LRRC8C: variants seen among roughly 807,000 people sequenced by gnomAD.
The protein encoded by LRRC8C is leucine rich repeat containing 8 VRAC subunit C.
LRRC8C carries 20 observed loss-of-function variants against 55.3 expected under a neutral mutation model. The observed-to-expected ratio is 0.36, with a 90% CI of 0.25 to 0.53. LRRC8C has a LOEUF of 0.53. Ranked by LOEUF, LRRC8C falls within the 20% of genes least tolerant of loss-of-function variation. The probability of loss-of-function intolerance (pLI) is 0.92; values close to 1 mark genes in which losing one functional copy is unlikely to be tolerated. For missense variants in LRRC8C, 659 were observed against 951.4 expected (o/e 0.69, Z 4.04); for synonymous variants, 376 against 360.7 (o/e 1.04, Z -0.48).
chr1:89,616,238 C>T, the LRRC8C span, among the ~76,000 whole-genome samples: 1 of 152,206 alleles, frequency 6.6e-6, no homozygotes. Flanking sequence ...CTAGCCTCAT[C>T]AACCCAGTGT....
chr1:89,678,229 TTAAC>T (rs1431671674), intron 1 of LRRC8C, among the ~76,000 whole-genome samples: 5 of 152,250 alleles, frequency 3.3e-5, no homozygotes, highest in African/African-American at 1.2e-4. Context: ...TCCCACTTTC[TTAAC>T]TAAAATTACT....
At chr1:89,660,589 A>G (rs1455212626) in intron 1 of LRRC8C, among the ~76,000 whole-genome samples, 1 of 152,156 alleles carries the variant, frequency 6.6e-6, no homozygotes, top group African/African-American at 2.4e-5. Context: ...TTCTGTCAAC[A>G]AGTTTTCCAA....
At chr1:89,642,341 A>G (rs1326408939) in intron 1 of LRRC8C, among the ~76,000 whole-genome samples, 1 of 152,224 alleles carries the variant, frequency 6.6e-6, no homozygotes, top group Admixed American at 6.5e-5. Flanking sequence ...GTAGTGTAGC[A>G]TTAGTACCTT....
intron 2 of LRRC8C, among the ~76,000 whole-genome samples, chr1:89,695,880 G>C (rs1488864394): frequency 6.6e-6 from 1 of 152,096 alleles, no homozygotes; most frequent in African/African-American, 2.4e-5. Context: ...AAATGAGCAG[G>C]ATAGGCATCA....
Position 89,686,494 on chromosome 1 carries a change from C to T in LRRC8C, c.21C>T (p.Phe7=). MIPVTE[F]RQFSEQQPAF... ...GAAACATGATTCCCGTGACAGAATT[C>T]CGGCAGTTCTCTGAGCAGCAGCCTG... The change falls in exon 2 of 3, where the codon TTC becomes TTT. Residue 7 remains phenylalanine (F), a synonymous_variant. Coordinates refer to ENST00000370454, the MANE Select transcript of LRRC8C (RefSeq NM_032270.5). The T allele has an allele frequency of 1.2e-6, 2 of 1,614,176 alleles. No homozygotes were observed. The highest frequency in any genetic ancestry group is 3.3e-5 in the Admixed American group (2 of 60,024).
chr1:89,673,167 ATTT>A (rs1157325013), intron 1 of LRRC8C, among the ~76,000 whole-genome samples: 6 of 151,846 alleles, frequency 4.0e-5, no homozygotes, highest in Admixed American at 3.9e-4. Context: ...TTTCTATGCT[ATTT>A]TTTATTTTTT....
rs753255156 is a variant in LRRC8C, at chr1:89,714,202, T to G, written c.1632T>G (p.Leu544=). 6.2e-7 allele frequency: 1 copy of G among 1,614,072 alleles called. No individual in the cohort carries two copies. The highest frequency in any genetic ancestry group is 1.7e-5 in the Admixed American group (1 of 60,018). The change falls in exon 3 of 3, where the codon CTT becomes CTG. Residue 544 remains leucine, a synonymous_variant. Transcript: ENST00000370454. The surrounding 1 kb of genome is among the most constrained non-coding windows in gnomAD (Gnocchi z 4.6). ...TLESLRDLKS[L]KILSIKSNVS... is the part of the protein sequence containing the mutation. The stretch of plus-strand genomic sequence containing the variant: ...AGTCTCTGCGGGATCTCAAAAGCCT[T>G]AAAATTCTCTCTATCAAAAGCAACG...
chr1:89,622,621 C>T, the LRRC8C span, among the ~76,000 whole-genome samples: 1 of 152,254 alleles, frequency 6.6e-6, no homozygotes, highest in East Asian at 1.9e-4. Context: ...GGGTGAGCCA[C>T]CGCGCCTGGC....
chr1:89,657,613 C>T (rs186885164), intron 1 of LRRC8C, among the ~76,000 whole-genome samples: 4 of 152,068 alleles, frequency 2.6e-5, no homozygotes, highest in African/African-American at 7.2e-5. Flanking sequence ...TGGTAGCACA[C>T]GCCTATAGTC....
chr1:89,680,278 C>T (rs934659554), intron 1 of LRRC8C, among the ~76,000 whole-genome samples: 9 of 151,910 alleles, frequency 5.9e-5, no homozygotes, highest in Admixed American at 2.6e-4. Flanking sequence ...GGGGTTTCAC[C>T]GTGTTAGCCA....
At chr1:89,667,113 C>T (rs1452579673) in intron 1 of LRRC8C, among the ~76,000 whole-genome samples, 1 of 152,078 alleles carries the variant, frequency 6.6e-6, no homozygotes, top group African/African-American at 2.4e-5. Context: ...AATATTCATG[C>T]CAATATCTGG....
intron 2 of LRRC8C, among the ~76,000 whole-genome samples, chr1:89,690,599 T>C (rs1658001988): frequency 6.6e-6 from 1 of 152,172 alleles, no homozygotes; most frequent in Non-Finnish European, 1.5e-5. Context: ...TAACTTGCAA[T>C]GAAATGAATG....
chr1:89,706,568 A>G lies in LRRC8C; in HGVS notation c.139-6141A>G, dbSNP rs6670862. ...TAAAATAGTGAAAATTTCTATTAAA[A>G]GGCCCGAATTTCACGTTGACCATTC... On this transcript the variant is annotated intron_variant, in intron 2 of 2. Coordinates refer to ENST00000370454, the MANE Select transcript of LRRC8C (RefSeq NM_032270.5). 5.5e-3 allele frequency among the ~76,000 whole-genome samples: 839 copies of G among 152,300 alleles called. 7 individuals carry two copies. The highest frequency in any genetic ancestry group is 0.019 in the African/African-American group (809 of 41,534).
intron 1 of LRRC8C, among the ~76,000 whole-genome samples, chr1:89,659,049 T>TGTTTTTG: frequency 5.6e-5 from 1 of 18,004 alleles, no homozygotes; most frequent in East Asian, 3.4e-3. Flanking sequence ...CTTCTCCAGG[T>TGTTTTTG]TTTTTTTTTT....
chr1:89,678,122 A>G (rs1657598635), intron 1 of LRRC8C, among the ~76,000 whole-genome samples: 2 of 152,232 alleles, frequency 1.3e-5, no homozygotes, highest in South Asian at 4.1e-4. Context: ...AGCTATGCTA[A>G]TGTCCTGGCC....
chr1:89,654,589 C>G (rs1424292796), intron 1 of LRRC8C, among the ~76,000 whole-genome samples: 2 of 152,126 alleles, frequency 1.3e-5, no homozygotes, highest in Admixed American at 1.3e-4. Context: ...CTGAAATACA[C>G]TATTTATTCT....
rs541701144 is a variant in LRRC8C, at chr1:89,645,807, A to G, written c.-5+12485A>G. 1.5e-4 allele frequency among the ~76,000 whole-genome samples: 23 copies of G among 152,266 alleles called. No individual in the cohort carries two copies. In the South Asian group the frequency reaches 3.3e-3, roughly 22 times the overall value. On this transcript the variant is annotated intron_variant, in intron 1 of 2. Transcript: ENST00000370454. ...AGCCTCAAATATTTGTAAATAAAATAAGAAACTTCTACATATCTTATGGGC... is the reference window on the plus strand; with the variant it reads ...AGCCTCAAATATTTGTAAATAAAATGAGAAACTTCTACATATCTTATGGGC...
intron 2 of LRRC8C, among the ~76,000 whole-genome samples, chr1:89,699,879 A>G (rs1409511926): frequency 2.6e-5 from 4 of 152,172 alleles, no homozygotes; most frequent in Non-Finnish European, 2.9e-5. Context: ...ATTCTCACCA[A>G]CATTTTTTGT....
At chr1:89,665,857 T>G (rs974188125) in intron 1 of LRRC8C, among the ~76,000 whole-genome samples, 1 of 152,224 alleles carries the variant, frequency 6.6e-6, no homozygotes, top group African/African-American at 2.4e-5. Flanking sequence ...TCATGGTAAG[T>G]ACCCTATACA....
Sources: allele counts gnomAD v4.1 joint callset (sites outside exome capture counted in the v4.1 genomes callset), GRCh38; gene constraint gnomAD v4.1.1; non-coding constraint Gnocchi (gnomAD v3.1); transcripts MANE v1.5; gene names NCBI Gene and HGNC (gene_info 2026-07-23, HGNC 2026-07-21).